Variants in DLGAP2 observed in about 807,000 individuals in gnomAD.
The protein encoded by DLGAP2 is DLG associated protein 2.
Under a neutral mutation model 100.3 loss-of-function variants are expected in DLGAP2, and 26 were observed. The ratio of observed to expected loss-of-function variants is 0.26; its 90% CI spans 0.19 to 0.36. The LOEUF (loss-of-function observed/expected upper bound fraction) is 0.36, where lower values mean the gene tolerates loss of function less well. Among genes scored for constraint, DLGAP2 ranks in the 10% least tolerant of loss-of-function variants. DLGAP2 has a pLI of 1.00. For synonymous variants in DLGAP2, 886 were observed against 630.1 expected (o/e 1.41, Z -6.08); for missense variants, 1,858 against 1,453.2 (o/e 1.28, Z -4.53).
intron 2 of DLGAP2, among the ~76,000 whole-genome samples, chr8:1,026,468 G>T (rs189075081): frequency 5.9e-5 from 9 of 152,290 alleles, no homozygotes; most frequent in Admixed American, 3.3e-4. Context: ...GCACGTGCCT[G>T]CTCCGACCTG....
At chr8:1,160,990 T>G (rs1265411967) in intron 2 of DLGAP2, among the ~76,000 whole-genome samples, 1 of 152,258 alleles carries the variant, frequency 6.6e-6, no homozygotes, top group Non-Finnish European at 1.5e-5. Context: ...TGAATGTATT[T>G]CATAATTGGA....
At chr8:1,590,963 C>G (rs1230998337) in intron 6 of DLGAP2, among the ~76,000 whole-genome samples, 2 of 152,184 alleles carry the variant, frequency 1.3e-5, no homozygotes, top group Admixed American at 6.5e-5. Flanking sequence ...GAGGACCAAG[C>G]AAAACATATG....
chr8:1,243,696 C>T (rs1049406285), intron 2 of DLGAP2, among the ~76,000 whole-genome samples: 1 of 152,284 alleles, frequency 6.6e-6, no homozygotes, highest in Non-Finnish European at 1.5e-5. Context: ...GATGCCCATG[C>T]CGCTGCCTCA....
intron 2 of DLGAP2, among the ~76,000 whole-genome samples, chr8:947,462 T>C (rs1279183316): frequency 6.6e-6 from 1 of 152,210 alleles, no homozygotes; most frequent in Non-Finnish European, 1.5e-5. Flanking sequence ...GCCCTGCCCT[T>C]ACACGAAGCG....
At chr8:1,543,813 A>G (rs1016267391) in intron 4 of DLGAP2, among the ~76,000 whole-genome samples, 1 of 152,236 alleles carries the variant, frequency 6.6e-6, no homozygotes, top group Non-Finnish European at 1.5e-5. Flanking sequence ...CTATGAACAT[A>G]GGATGTCTTT....
intron 1 of DLGAP2, among the ~76,000 whole-genome samples, chr8:842,304 A>T (rs538274072): frequency 6.6e-6 from 1 of 152,166 alleles, no homozygotes; most frequent in Non-Finnish European, 1.5e-5. Context: ...TGTGTCCTTT[A>T]TACCTGAAGA....
intron 3 of DLGAP2, among the ~76,000 whole-genome samples, chr8:1,468,588 C>A (rs995824068): frequency 1.3e-5 from 2 of 152,234 alleles, no homozygotes; most frequent in African/African-American, 2.4e-5. Flanking sequence ...AGGTCAGGAC[C>A]CCGGCATCCC....
In DLGAP2 at chr8:1,678,234, C is replaced by A. The variant is rs773705599; in HGVS notation, c.2309C>A (p.Ser770Tyr). 1 of 1,613,198 alleles carries A rather than the reference C, an allele frequency of 6.2e-7. No homozygotes were observed. Among genetic ancestry groups the A allele is most frequent in the Non-Finnish European group, 8.5e-7 (1 of 1,179,486 alleles). The part of the protein sequence containing the change: ...DEKRHGRFKR[S>Y]NSVTAAVQAD... ...TGCAGACACGGACGTTTTAAACGTT[C>A]TAACAGCGTCACGGCCGCCGTCCAA... is the stretch of plus-strand genomic sequence containing the variant. The change falls in exon 12 of 15, where the codon TCT becomes TAT. Residue 770 changes from serine (S) to tyrosine (Y), a missense_variant. By Grantham distance (144) the Ser-to-Tyr change is moderately radical. Transcript: ENST00000637795.
intron 8 of DLGAP2, among the ~76,000 whole-genome samples, chr8:1,660,706 A>G (rs1250599669): frequency 1.3e-5 from 2 of 152,216 alleles, no homozygotes; most frequent in Non-Finnish European, 2.9e-5. Context: ...ACAAGTGATT[A>G]ATATTTTTAG....
intron 2 of DLGAP2, among the ~76,000 whole-genome samples, chr8:909,293 G>C (rs1378142059): frequency 6.6e-6 from 1 of 152,186 alleles, no homozygotes; most frequent in Non-Finnish European, 1.5e-5. Context: ...TTTTGCAACT[G>C]TGTCCATCAA....
intron 12 of DLGAP2, among the ~76,000 whole-genome samples, chr8:1,679,979 C>CAAAAAA (rs760100523): frequency 6.5e-4 from 41 of 63,474 alleles, no homozygotes; most frequent in Non-Finnish European, 7.3e-4. Context: ...GACTCTGTCT[C>CAAAAAA]AAAAAAAAAA....
In DLGAP2 at chr8:1,258,880, G is replaced by A. The variant is rs1321712202; in HGVS notation, c.103G>A (p.Glu35Lys). Reference protein sequence around the residue: ...ESQCTLCGEPEEEEAGDLVQP... With the variant: ...ESQCTLCGEPKEEEAGDLVQP... ...GCAGTGCACGCTCTGCGGGGAGCCG[G>A]AAGGTGAGTACCTGACATGCTGCCT... The change falls in exon 3 of 15, where the codon GAA becomes AAA. Residue 35 changes from glutamate to lysine, a missense_variant. By Grantham distance (56) the Glu-to-Lys change is moderately conservative. Transcript: ENST00000637795. The A allele has an allele frequency of 3.2e-6, 4 of 1,231,716 alleles. No homozygotes were observed. The East Asian group carries it at 1.3e-4, about 39-fold the overall frequency. The allele number at this position is 1,231,716 out of a possible 1,614,324, so 76.3% of individuals were successfully genotyped here.
intron 6 of DLGAP2, among the ~76,000 whole-genome samples, chr8:1,596,794 A>G (rs955846549): frequency 1.3e-5 from 2 of 152,154 alleles, no homozygotes; most frequent in African/African-American, 4.8e-5. Context: ...TCAGATAGAT[A>G]GATTACAAAC....
chr8:1,656,642 G>T (rs1030873180), intron 8 of DLGAP2, among the ~76,000 whole-genome samples: 1 of 152,144 alleles, frequency 6.6e-6, no homozygotes, highest in Non-Finnish European at 1.5e-5. Context: ...CATTTATTCA[G>T]CTCTAACAGG....
At chr8:1,073,365 G>A (rs914490793) in intron 2 of DLGAP2, among the ~76,000 whole-genome samples, 3 of 152,026 alleles carry the variant, frequency 2.0e-5, no homozygotes, top group African/African-American at 7.3e-5. Context: ...TAGTTAATAC[G>A]TTAAGAAATA....
intron 4 of DLGAP2, among the ~76,000 whole-genome samples, chr8:1,537,178 C>T (rs1055583784): frequency 3.3e-5 from 5 of 152,134 alleles, no homozygotes; most frequent in South Asian, 2.1e-4. Context: ...CTGGAGCTTA[C>T]GACCTAATGG....
chr8:931,422 C>T (rs1010015066), intron 2 of DLGAP2, among the ~76,000 whole-genome samples: 1 of 152,238 alleles, frequency 6.6e-6, no homozygotes. Flanking sequence ...GGAACATGTT[C>T]TAGAAAAAGC....
intron 5 of DLGAP2, among the ~76,000 whole-genome samples, chr8:1,556,015 C>T (rs534637928): frequency 1.4e-4 from 21 of 152,258 alleles, no homozygotes; most frequent in Admixed American, 5.2e-4. Context: ...CCAGGTTTAC[C>T]AGGGGAGAAT....
chr8:1,060,777 G>T (rs546288994), intron 2 of DLGAP2, among the ~76,000 whole-genome samples: 3 of 152,316 alleles, frequency 2.0e-5, no homozygotes, highest in South Asian at 2.1e-4. Flanking sequence ...TCAGAGAGGG[G>T]CCTGCGGGTT....
Sources: gnomAD v4.1 joint callset for allele counts (sites outside exome capture counted in the v4.1 genomes callset) on GRCh38, gnomAD v4.1.1 for gene constraint, MANE v1.5 for transcripts, NCBI Gene and HGNC (gene_info 2026-07-23, HGNC 2026-07-21) for gene names.